Variants in DPYD observed in about 807,000 individuals in gnomAD.
DPYD encodes the protein dihydropyrimidine dehydrogenase [NADP(+)].
A neutral mutation model predicts 116.2 loss-of-function variants in DPYD; 109 were observed. The observed-to-expected ratio is 0.94, with a 90% CI of 0.80 to 1.10. The LOEUF is 1.10. Among genes scored for constraint, DPYD ranks in the 50% least tolerant of loss-of-function variants. The pLI is 0.00. For missense variants in DPYD, 1,302 were observed against 1,254.5 expected, an observed-to-expected ratio of 1.04 and a Z score of -0.57; for synonymous variants, 440 against 432.0, an observed-to-expected ratio of 1.02 and a Z score of -0.23.
intron 3 of DPYD, among the ~76,000 whole-genome samples, chr1:97,770,158 T>C (rs1666066299): frequency 6.6e-6 from 1 of 152,218 alleles, no homozygotes; most frequent in Non-Finnish European, 1.5e-5. Context: ...CTGCCTAAGT[T>C]TGAAGCTCGC....
intron 3 of DPYD, among the ~76,000 whole-genome samples, chr1:97,754,608 T>G (rs906084182): frequency 6.6e-6 from 1 of 152,220 alleles, no homozygotes. Flanking sequence ...GTTTTCTTCT[T>G]TCCTTCAATC....
chr1:97,374,145 C>T (rs1160923334), intron 15 of DPYD, among the ~76,000 whole-genome samples: 2 of 152,110 alleles, frequency 1.3e-5, no homozygotes, highest in Non-Finnish European at 1.5e-5. Context: ...ATGTAGTAGG[C>T]TAGCTAGAAT....
chr1:97,777,081 C>T (rs1223599691), intron 3 of DPYD, among the ~76,000 whole-genome samples: 2 of 152,172 alleles, frequency 1.3e-5, no homozygotes, highest in African/African-American at 2.4e-5. Flanking sequence ...GATGGAACTA[C>T]TAATAACTGC....
intron 13 of DPYD, among the ~76,000 whole-genome samples, chr1:97,500,132 C>T (rs199699556): frequency 6.8e-6 from 1 of 146,714 alleles, no homozygotes; most frequent in South Asian, 2.1e-4. Flanking sequence ...CTACAAAGAA[C>T]AATAAAAACA....
chr1:97,859,502 G>C (rs1671011606), intron 2 of DPYD, among the ~76,000 whole-genome samples: 1 of 152,138 alleles, frequency 6.6e-6, no homozygotes, highest in Non-Finnish European at 1.5e-5. Context: ...AAGTGAAAAT[G>C]CTATATAAAC....
At chr1:97,714,655 CAA>C (rs1193831747) in intron 5 of DPYD, among the ~76,000 whole-genome samples, 10,311 of 49,816 alleles carry the variant, frequency 0.21, 373 homozygotes, top group Middle Eastern at 0.26. Flanking sequence ...AAAGAAAAGA[CAA>C]AAAAAAAAAA....
At chr1:97,196,385 G>A (rs1400236673) in intron 19 of DPYD, among the ~76,000 whole-genome samples, 1 of 151,948 alleles carries the variant, frequency 6.6e-6, no homozygotes, top group Non-Finnish European at 1.5e-5. Context: ...ACAAATGCTG[G>A]GATTACAGGC....
chr1:97,395,315 CATT>C (rs1672950914), intron 14 of DPYD, among the ~76,000 whole-genome samples: 1 of 151,652 alleles, frequency 6.6e-6, no homozygotes, highest in Admixed American at 6.6e-5. Flanking sequence ...AATAATTTTT[CATT>C]ATATTTGTTT....
At chr1:97,384,064 G>GCA (rs1672153227) in intron 14 of DPYD, among the ~76,000 whole-genome samples, 1 of 152,066 alleles carries the variant, frequency 6.6e-6, no homozygotes, top group African/African-American at 2.4e-5. Context: ...AGGTATGATT[G>GCA]CATTACTGCA....
chr1:97,834,847 CA>C (rs1214390206), intron 2 of DPYD, among the ~76,000 whole-genome samples: 1 of 151,666 alleles, frequency 6.6e-6, no homozygotes, highest in Non-Finnish European at 1.5e-5. Flanking sequence ...CAAGAAGTCT[CA>C]AAACTAGCCC....
intron 20 of DPYD, among the ~76,000 whole-genome samples, chr1:97,173,269 C>CAT (rs529192165): frequency 1.2e-4 from 17 of 146,446 alleles, no homozygotes; most frequent in East Asian, 4.0e-4. Flanking sequence ...CACATATGTA[C>CAT]ATATATATGC....
chr1:97,294,662 T>G (rs895867017), intron 18 of DPYD, among the ~76,000 whole-genome samples: 1 of 152,172 alleles, frequency 6.6e-6, no homozygotes. Flanking sequence ...GGCATCACAG[T>G]TAGACTGAGT....
chr1:97,680,447 CA>C (rs1339247155), intron 7 of DPYD, among the ~76,000 whole-genome samples: 8 of 152,118 alleles, frequency 5.3e-5, no homozygotes, highest in Non-Finnish European at 8.8e-5. Context: ...GTTTCTGTTA[CA>C]GATGTGGTAT....
At chr1:97,576,072 T>A (rs953945781) in intron 10 of DPYD, among the ~76,000 whole-genome samples, 1 of 152,310 alleles carries the variant, frequency 6.6e-6, no homozygotes, top group Admixed American at 6.5e-5. Flanking sequence ...AATGTATGAT[T>A]TCTGGAAGGC....
At chr1:97,835,223 T>C (rs1162905380) in intron 2 of DPYD, among the ~76,000 whole-genome samples, 2 of 152,084 alleles carry the variant, frequency 1.3e-5, no homozygotes, top group Non-Finnish European at 2.9e-5. Flanking sequence ...ACAGCTTATG[T>C]GTTCTTACAA....
chr1:97,666,214 C>T (rs887957836), intron 8 of DPYD, among the ~76,000 whole-genome samples: 4 of 152,088 alleles, frequency 2.6e-5, no homozygotes, highest in Non-Finnish European at 5.9e-5. Flanking sequence ...ACTCTGTCAC[C>T]TAGGCTGGAG....
chr1:97,148,512 T>C (rs1654794322), intron 20 of DPYD, among the ~76,000 whole-genome samples: 1 of 152,202 alleles, frequency 6.6e-6, no homozygotes, highest in Non-Finnish European at 1.5e-5. Context: ...ATTTTAATTA[T>C]AGATCTATTT....
chr1:97,841,190 G>C (rs1028014791), intron 2 of DPYD, among the ~76,000 whole-genome samples: 4 of 152,052 alleles, frequency 2.6e-5, no homozygotes, highest in Non-Finnish European at 5.9e-5. Context: ...TGAATGAAGA[G>C]AGTTGATTAT....
At chr1:97,126,880 A>G (rs1399899381) in intron 20 of DPYD, among the ~76,000 whole-genome samples, 2 of 152,094 alleles carry the variant, frequency 1.3e-5, no homozygotes, top group Non-Finnish European at 2.9e-5. Flanking sequence ...CAAATTTTAT[A>G]TTTTCTTTAG....
Sources: gnomAD v4.1 joint callset for allele counts (sites outside exome capture counted in the v4.1 genomes callset) on GRCh38, gnomAD v4.1.1 for gene constraint, MANE v1.5 for transcripts, NCBI Gene and HGNC (gene_info 2026-07-23, HGNC 2026-07-21) for gene names.